The following GRIK2 variants were observed in gnomAD, a reference collection of about 807,000 sequenced individuals.
GRIK2 encodes glutamate ionotropic receptor kainate type subunit 2.
Under a neutral mutation model 100.3 loss-of-function variants are expected in GRIK2, and 32 were observed. That is an observed-to-expected ratio of 0.32 (90% CI 0.24 to 0.43). The LOEUF (loss-of-function observed/expected upper bound fraction) is 0.43, where lower values mean the gene tolerates loss of function less well. GRIK2 is among the 20% of genes least tolerant of loss of function. The pLI, the probability that GRIK2 is intolerant of heterozygous loss-of-function variation, is 1.00. For synonymous variants in GRIK2, 417 were observed against 389.4 expected (o/e 1.07, Z -0.83); for missense variants, 843 against 1,114.9 (o/e 0.76, Z 3.47).
At chr6:101,740,092 A>C (rs529098874) in intron 7 of GRIK2, among the ~76,000 whole-genome samples, 1 of 152,310 alleles carries the variant, frequency 6.6e-6, no homozygotes, top group South Asian at 2.1e-4. Flanking sequence ...TTGAGAATTC[A>C]TGTTTGACTC....
intron 7 of GRIK2, among the ~76,000 whole-genome samples, chr6:101,721,241 A>G (rs75650418): frequency 0.079 from 12,019 of 152,014 alleles, 602 homozygotes; most frequent in South Asian, 0.17. Flanking sequence ...TACAGCAACA[A>G]ATAGCATGCA....
At chr6:101,576,535 A>G (rs976999299) in intron 2 of GRIK2, among the ~76,000 whole-genome samples, 1 of 152,066 alleles carries the variant, frequency 6.6e-6, no homozygotes, top group Non-Finnish European at 1.5e-5. Context: ...TGGCATTTGT[A>G]TGCAGGAAAC....
At chr6:101,611,212 C>T (rs1282799019) in intron 2 of GRIK2, among the ~76,000 whole-genome samples, 5 of 151,738 alleles carry the variant, frequency 3.3e-5, no homozygotes, top group Admixed American at 1.3e-4. Flanking sequence ...ATTTACATGC[C>T]AGAAAACAAC....
At chr6:101,721,523 G>A (rs1486193324) in intron 7 of GRIK2, among the ~76,000 whole-genome samples, 1 of 151,942 alleles carries the variant, frequency 6.6e-6, no homozygotes, top group East Asian at 1.9e-4. Context: ...TTGTACCCCT[G>A]CACTCCAGGG....
rs144265859 is a variant in GRIK2 at position 101,616,879 on chromosome 6, CATTT to C, written c.116-5066_116-5063del. 5.3e-3 allele frequency among the ~76,000 whole-genome samples: 802 copies of C among 151,634 alleles called. 5 individuals carry two copies. The highest frequency in any genetic ancestry group is 8.6e-3 in the Non-Finnish European group (586 of 67,746). On this transcript the variant is annotated intron_variant, in intron 2 of 16. Transcript: ENST00000369134. Reference sequence around the variant, plus strand: ...TTTTCTTACATTTAGCGGTTATTTGCATTTATTATTTATGAATATTATCTACTTA... The same window carrying C: ...TTTTCTTACATTTAGCGGTTATTTGCATTATTTATGAATATTATCTACTTA...
intron 2 of GRIK2, among the ~76,000 whole-genome samples, chr6:101,617,575 G>A (rs149215527): frequency 2.6e-3 from 388 of 151,910 alleles, no homozygotes; most frequent in African/African-American, 9.1e-3. Flanking sequence ...AGAAGATTCA[G>A]ACACTCAATT....
At chr6:101,441,079 G>A (rs556175645) in intron 2 of GRIK2, among the ~76,000 whole-genome samples, 1 of 151,610 alleles carries the variant, frequency 6.6e-6, no homozygotes, top group South Asian at 2.1e-4. Flanking sequence ...CTGGGCTCAA[G>A]TGATCTTCCT....
intron 2 of GRIK2, among the ~76,000 whole-genome samples, chr6:101,606,583 A>G (rs1779446033): frequency 6.6e-6 from 1 of 151,998 alleles, no homozygotes. Flanking sequence ...GGCTAATAAT[A>G]GCAGAAACAG....
chr6:101,555,371 G>A (rs1345663818), intron 2 of GRIK2, among the ~76,000 whole-genome samples: 1 of 152,144 alleles, frequency 6.6e-6, no homozygotes, highest in African/African-American at 2.4e-5. Context: ...ATGGCAAGCA[G>A]CACACATGTG....
chr6:101,563,579 AT>A (rs1284681828), intron 2 of GRIK2, among the ~76,000 whole-genome samples: 1 of 152,170 alleles, frequency 6.6e-6, no homozygotes, highest in Non-Finnish European at 1.5e-5. Context: ...CAATTTTTCC[AT>A]TTAAAAATAT....
chr6:101,721,876 G>T (rs765763638), intron 7 of GRIK2, among the ~76,000 whole-genome samples: 1 of 151,776 alleles, frequency 6.6e-6, no homozygotes, highest in Non-Finnish European at 1.5e-5. Context: ...ACAAAAAAAA[G>T]AAATTACTTC....
intron 4 of GRIK2, among the ~76,000 whole-genome samples, chr6:101,639,931 T>C (rs996418756): frequency 1.3e-5 from 2 of 152,278 alleles, no homozygotes; most frequent in South Asian, 4.1e-4. Context: ...TAATATCTTG[T>C]TACAAACAGA....
chr6:101,644,365 G>C (rs1781423662), intron 4 of GRIK2, among the ~76,000 whole-genome samples: 1 of 151,644 alleles, frequency 6.6e-6, no homozygotes, highest in Admixed American at 6.6e-5. Context: ...TGGTGAACTG[G>C]TAGCATGATG....
chr6:101,812,558 A>G (rs1388717603), intron 9 of GRIK2, among the ~76,000 whole-genome samples: 1 of 151,830 alleles, frequency 6.6e-6, no homozygotes, highest in Admixed American at 6.6e-5. Context: ...ATGTTCAGAG[A>G]TCTCACATAT....
intron 14 of GRIK2, among the ~76,000 whole-genome samples, chr6:102,034,105 C>A (rs1770137617): frequency 6.6e-6 from 1 of 151,304 alleles, no homozygotes; most frequent in African/African-American, 2.4e-5. Context: ...ATGAGGCAGG[C>A]ATGTTCAGTG....
rs188041275 is a variant in GRIK2, at chr6:101,711,337, A to T, written c.951+24984A>T. ...AATGCCCACAAAATAATATTTTAAAAATATTCTAAGTTTACTCTTCATCTG... is the reference window on the plus strand; with the variant it reads ...AATGCCCACAAAATAATATTTTAAATATATTCTAAGTTTACTCTTCATCTG... On this transcript the variant is annotated intron_variant, in intron 7 of 16. Coordinates refer to ENST00000369134, the MANE Select transcript of GRIK2 (RefSeq NM_021956.5). Among the ~76,000 whole-genome samples, 186 of 151,890 alleles carry T rather than the reference A, an allele frequency of 1.2e-3. 1 individual carries two copies. Among genetic ancestry groups the T allele is most frequent in the African/African-American group, 3.7e-3 (154 of 41,496 alleles).
intron 2 of GRIK2, among the ~76,000 whole-genome samples, chr6:101,485,203 G>A (rs1275189993): frequency 6.6e-6 from 1 of 152,052 alleles, no homozygotes; most frequent in Non-Finnish European, 1.5e-5. Flanking sequence ...AGGGAATTCA[G>A]CAAAGAGGTA....
chr6:101,818,622 CAATGTT>C, intron 10 of GRIK2, 139 bp downstream of exon 10: 1 of 589,770 alleles, frequency 1.7e-6, no homozygotes, highest in Non-Finnish European at 3.0e-6. Context: ...ACAGATGAGT[CAATGTT>C]AATTTAGTCA....
chr6:101,749,719 C>G lies in GRIK2; in HGVS notation c.952-49929C>G, dbSNP rs576462585. Among the ~76,000 whole-genome samples, 6 of 151,452 alleles carry G rather than the reference C, an allele frequency of 4.0e-5. No homozygotes were observed. In the East Asian group the frequency reaches 7.8e-4, roughly 20 times the overall value. ...AAATCAAGGCAACTATTCAATATTT[C>G]TAACTTCTTGGTTTCTTTTAATAGC... On this transcript the variant is annotated intron_variant, in intron 7 of 16. Coordinates refer to ENST00000369134, the MANE Select transcript of GRIK2 (RefSeq NM_021956.5).
Sources: gnomAD v4.1 joint callset for allele counts (sites outside exome capture counted in the v4.1 genomes callset) on GRCh38, gnomAD v4.1.1 for gene constraint, MANE v1.5 for transcripts, NCBI Gene and HGNC (gene_info 2026-07-23, HGNC 2026-07-21) for gene names.